SLC22A15: variants seen among roughly 807,000 people sequenced by gnomAD.
The protein encoded by SLC22A15 is solute carrier family 22 member 15, also known as flipt 1.
A neutral mutation model predicts 62.7 loss-of-function variants in SLC22A15; 45 were observed. The ratio of observed to expected loss-of-function variants is 0.72; its 90% CI spans 0.56 to 0.92. SLC22A15 has a LOEUF of 0.92. Ranked by LOEUF, SLC22A15 falls within the 40% of genes least tolerant of loss-of-function variation. The pLI, the probability that SLC22A15 is intolerant of heterozygous loss-of-function variation, is 0.00. For missense variants in SLC22A15, 622 were observed against 665.6 expected (o/e 0.93, Z 0.72); for synonymous variants, 264 against 267.0 (o/e 0.99, Z 0.11).
intron 1 of SLC22A15, 69 bp from the exon 2 acceptor site, chr1:115,991,962 C>A: frequency 7.5e-7 from 1 of 1,336,838 alleles, no homozygotes; most frequent in Non-Finnish European, 1.1e-6. Context: ...GGTTTGCAAG[C>A]CTGCTAAGTG....
intron 2 of SLC22A15, among the ~76,000 whole-genome samples, chr1:116,011,788 G>A (rs1472429698): frequency 6.6e-6 from 1 of 152,152 alleles, no homozygotes; most frequent in East Asian, 1.9e-4. Context: ...AGGTGGGGAT[G>A]CAAGTGGGGA....
intron 8 of SLC22A15, among the ~76,000 whole-genome samples, chr1:116,053,572 C>T (rs553519428): frequency 2.4e-4 from 36 of 152,026 alleles, no homozygotes; most frequent in Non-Finnish European, 3.7e-4. Flanking sequence ...AAATACTCCT[C>T]GAGAAGAGCA....
rs143107997 is a variant in SLC22A15 at position 116,031,873 on chromosome 1, T to C, written c.944+292T>C. The C allele has an allele frequency of 7.0e-4, 836 of 1,190,884 alleles. 20 individuals are homozygous for C. The Admixed American group carries it at 0.032, about 45-fold the overall frequency. 73.8% of individuals were successfully genotyped at this position (1,190,884 alleles called of 1,614,324 possible). A position where few individuals can be genotyped will look rare whatever the true frequency, so the allele number is the denominator to read the frequency against. ...GTATTTATCATAAATATTTAAGCCT[T>C]CCTGCCCCTTCCCCTGCAAAAAAGG... On this transcript the variant is annotated intron_variant, in intron 6 of 11. Transcript: ENST00000369503.
chr1:115,980,876 G>A (rs1388135053), intron 1 of SLC22A15, among the ~76,000 whole-genome samples: 1 of 152,180 alleles, frequency 6.6e-6, no homozygotes, highest in Non-Finnish European at 1.5e-5. Context: ...AAGAAGATAT[G>A]CATATCTAAG....
In SLC22A15 at chr1:116,020,573, AC is replaced by A. The variant is rs1656775299; in HGVS notation, c.434-147del. The A allele has an allele frequency of 5.7e-6, 4 of 701,456 alleles. No individual in the cohort carries two copies. In the South Asian group the frequency reaches 1.0e-4, roughly 18 times the overall value. 43.5% of individuals were successfully genotyped at this position (701,456 alleles called of 1,614,324 possible). A position where few individuals can be genotyped will look rare whatever the true frequency, so the allele number is the denominator to read the frequency against. ...TCCATCTCAAAAAAAAAACAAAAAA[AC>A]AAAAAAAAACAAAAAGAAACCCACA... is the stretch of plus-strand genomic sequence containing the variant. On this transcript the variant is annotated intron_variant, in intron 3 of 11. Coordinates refer to ENST00000369503, the MANE Select transcript of SLC22A15 (RefSeq NM_018420.3).
chr1:116,040,216 TGTTAGACAGAA>T (rs1657741744), intron 8 of SLC22A15, among the ~76,000 whole-genome samples: 1 of 152,196 alleles, frequency 6.6e-6, no homozygotes, highest in Non-Finnish European at 1.5e-5. Flanking sequence ...GGTTTATAAT[TGTTAGACAGAA>T]GTGTCCTGCC....
intron 2 of SLC22A15, among the ~76,000 whole-genome samples, chr1:116,012,070 A>AT (rs879629845): frequency 2.0e-5 from 3 of 151,948 alleles, no homozygotes; most frequent in African/African-American, 4.8e-5. Flanking sequence ...GGAGTAAATG[A>AT]TTTTTTTCTT....
chr1:116,048,433 C>T (rs934667833), intron 8 of SLC22A15, among the ~76,000 whole-genome samples: 1 of 152,170 alleles, frequency 6.6e-6, no homozygotes, highest in African/African-American at 2.4e-5. Context: ...CTGTCTTCAG[C>T]CTCCTCAAAC....
chr1:115,995,287 G>GA (rs1655367208), intron 2 of SLC22A15, among the ~76,000 whole-genome samples: 2 of 152,114 alleles, frequency 1.3e-5, no homozygotes, highest in Non-Finnish European at 2.9e-5. Context: ...AAACTATGGG[G>GA]AATCCCTTTC....
At chr1:115,985,470 G>A (rs976095213) in intron 1 of SLC22A15, among the ~76,000 whole-genome samples, 1 of 152,126 alleles carries the variant, frequency 6.6e-6, no homozygotes, top group Non-Finnish European at 1.5e-5. Flanking sequence ...ATGACTGTTT[G>A]TTGTCCTCAT....
intron 4 of SLC22A15, among the ~76,000 whole-genome samples, chr1:116,024,179 A>T (rs1310059376): frequency 6.6e-6 from 1 of 152,200 alleles, no homozygotes; most frequent in South Asian, 2.1e-4. Context: ...GGTGGGTTAG[A>T]CAGGATGGAA....
At chr1:116,020,259 AAAC>A (rs1373588283) in intron 3 of SLC22A15, among the ~76,000 whole-genome samples, 15 of 151,534 alleles carry the variant, frequency 9.9e-5, no homozygotes, top group Non-Finnish European at 1.5e-4. Flanking sequence ...AAAAAAAAAA[AAAC>A]ACACAGCTGG....
At chr1:115,990,008 A>G (rs1190682579) in intron 1 of SLC22A15, among the ~76,000 whole-genome samples, 2 of 152,262 alleles carry the variant, frequency 1.3e-5, no homozygotes, top group African/African-American at 4.8e-5. Context: ...AGAACAAAAT[A>G]AAATAAGCAA....
chr1:116,016,084 TTTC>T (rs911177951), intron 2 of SLC22A15, among the ~76,000 whole-genome samples: 1 of 152,054 alleles, frequency 6.6e-6, no homozygotes, highest in Admixed American at 6.5e-5. Flanking sequence ...TTCTTTTTCT[TTTC>T]TTTTCTTTCT....
At chr1:116,053,741 G>C (rs545229460) in intron 8 of SLC22A15, among the ~76,000 whole-genome samples, 1 of 152,068 alleles carries the variant, frequency 6.6e-6, no homozygotes, top group African/African-American at 2.4e-5. Flanking sequence ...GAGAGTGGGG[G>C]CGAATATTCA....
At position 116,035,331 on chromosome 1, in the gene SLC22A15, A is replaced by C; in HGVS notation, c.1085+4A>C. On this transcript the variant is annotated splice_donor_region_variant and intron_variant, in intron 7 of 11. Coordinates refer to ENST00000369503, the MANE Select transcript of SLC22A15 (RefSeq NM_018420.3). The stretch of plus-strand genomic sequence containing the variant: ...TCTACTTGATTAACCAAAAATGGTG[A>C]GTAAGTGTGGATGAATATGAAGTGC... 2.5e-6 allele frequency: 4 copies of C among 1,611,160 alleles called. No homozygotes were observed. The highest frequency in any genetic ancestry group is 3.4e-6 in the Non-Finnish European group (4 of 1,178,444).
intron 2 of SLC22A15, among the ~76,000 whole-genome samples, chr1:115,992,925 T>C (rs1447032533): frequency 2.0e-5 from 3 of 152,112 alleles, no homozygotes; most frequent in Non-Finnish European, 4.4e-5. Flanking sequence ...GCGCCTGGCC[T>C]ATAGTTCATT....
chr1:116,030,393 AT>A (rs1295469551), intron 5 of SLC22A15, among the ~76,000 whole-genome samples: 6 of 152,188 alleles, frequency 3.9e-5, no homozygotes, highest in African/African-American at 1.2e-4. Context: ...AGCACCGTAA[AT>A]AGCCAGTTTT....
At position 116,044,918 on chromosome 1, in the gene SLC22A15, A is replaced by G. The variant is rs1253854164; in HGVS notation, c.1171+7530A>G. On this transcript the variant is annotated intron_variant, in intron 8 of 11. Coordinates refer to ENST00000369503, the MANE Select transcript of SLC22A15 (RefSeq NM_018420.3). ...AATAATAATAAATAAATAGATTACC[A>G]TGCTTATGGACCAGAAGATATTAAG... Among the ~76,000 whole-genome samples the G allele has an allele frequency of 4.6e-5, 7 of 152,208 alleles. No homozygotes were observed. The East Asian group carries it at 1.3e-3, about 29-fold the overall frequency.
Sources: gnomAD v4.1 joint callset for allele counts (sites outside exome capture counted in the v4.1 genomes callset) on GRCh38, gnomAD v4.1.1 for gene constraint, MANE v1.5 for transcripts, NCBI Gene and HGNC (gene_info 2026-07-23, HGNC 2026-07-21) for gene names.